Variants in CBX5 observed in about 807,000 individuals in gnomAD.
CBX5 encodes chromobox protein homolog 5.
CBX5 carries 7 observed loss-of-function variants against 20.7 expected under a neutral mutation model. The ratio of observed to expected loss-of-function variants is 0.34; its 90% CI spans 0.19 to 0.63. The LOEUF (loss-of-function observed/expected upper bound fraction) is 0.63. CBX5 is among the 30% of genes least tolerant of loss of function. The probability of loss-of-function intolerance (pLI) is 0.75; values close to 1 mark genes in which losing one functional copy is unlikely to be tolerated. For synonymous variants in CBX5, 78 were observed against 77.0 expected, an observed-to-expected ratio of 1.01 and a Z score of -0.07; for missense variants, 110 against 224.1, an observed-to-expected ratio of 0.49 and a Z score of 3.25.
chr12:54,268,795 A>C (rs914464723), intron 1 of CBX5, among the ~76,000 whole-genome samples: 2 of 152,224 alleles, frequency 1.3e-5, no homozygotes, highest in Non-Finnish European at 2.9e-5. Context: ...GAATAAGTAC[A>C]TGTGGGTCCT....
intron 1 of CBX5, among the ~76,000 whole-genome samples, chr12:54,269,839 C>T (rs1943993098): frequency 6.6e-6 from 1 of 152,084 alleles, no homozygotes; most frequent in Admixed American, 6.5e-5. Flanking sequence ...CTTGGCCTCC[C>T]AAAATGTTGA....
At chr12:54,268,512 T>C (rs1943978764) in intron 1 of CBX5, among the ~76,000 whole-genome samples, 1 of 152,224 alleles carries the variant, frequency 6.6e-6, no homozygotes, top group Non-Finnish European at 1.5e-5. Context: ...GACTCCCTTT[T>C]TGTCCAATTT....
chr12:54,254,135 G>A (rs1261410964), intron 2 of CBX5, among the ~76,000 whole-genome samples: 1 of 151,984 alleles, frequency 6.6e-6, no homozygotes, highest in African/African-American at 2.4e-5. Flanking sequence ...AATTCAGCCA[G>A]GCACGGTGGC....
At chr12:54,251,285 C>A (rs1943798856) in intron 3 of CBX5, among the ~76,000 whole-genome samples, 1 of 151,830 alleles carries the variant, frequency 6.6e-6, no homozygotes, top group Non-Finnish European at 1.5e-5. Context: ...ATGGCGAAAC[C>A]CCGTCTCTAT....
Position 54,252,047 on chromosome 12 carries a change from CTT to C in CBX5, c.316_317del (p.Lys106GlufsTer6). 6.4e-7 allele frequency: 1 copy of C among 1,570,188 alleles called. No homozygotes were observed. Among genetic ancestry groups the C allele is most frequent in the South Asian group, 1.2e-5 (1 of 80,808 alleles). On this transcript the variant is annotated frameshift_variant, in exon 3 of 5. Transcript: ENST00000209875. LOFTEE classifies it high-confidence loss of function. Reference sequence around the variant, plus strand: ...AAAGGGAAAGGAAGCTTACCTCTCTCTTTTTTTTAGATTTGATGTCATCGGCA... The same window carrying C: ...AAAGGGAAAGGAAGCTTACCTCTCTCTTTTTTAGATTTGATGTCATCGGCA... ...NSADDIKSKK[K>X]REQSNDIARG... is the part of the protein sequence containing the mutation.
chr12:54,252,147 ATCT>A lies in CBX5; in HGVS notation c.215_217del (p.Lys72del). 5 of 1,611,460 alleles carry A rather than the reference ATCT, an allele frequency of 3.1e-6. No individual in the cohort carries two copies. Among genetic ancestry groups the A allele is most frequent in the Non-Finnish European group, 4.2e-6 (5 of 1,179,098 alleles). ...GGGTTTATTATTTTCACCCTCCTTC[ATCT>A]TCTTATACTTTTTCATAAATTCAGA... On this transcript the variant is annotated inframe_deletion, in exon 3 of 5. Coordinates refer to ENST00000209875, the MANE Select transcript of CBX5 (RefSeq NM_012117.3).
intron 1 of CBX5, among the ~76,000 whole-genome samples, chr12:54,271,009 TTG>T (rs1944004159): frequency 6.6e-6 from 1 of 152,198 alleles, no homozygotes; most frequent in Non-Finnish European, 1.5e-5. Flanking sequence ...AGTGAGTTGA[TTG>T]TGTCACTGCA....
chr12:54,242,259 C>G (rs547208802), intron 4 of CBX5, among the ~76,000 whole-genome samples: 1 of 152,258 alleles, frequency 6.6e-6, no homozygotes, highest in African/African-American at 2.4e-5. Context: ...GGCACGGTGG[C>G]TCACACCTGT....
chr12:54,272,777 A>ATTT (rs1944022675), intron 1 of CBX5: 2 of 151,508 alleles, frequency 1.3e-5, no homozygotes, highest in Non-Finnish European at 2.9e-5. Flanking sequence ...TTGACTTAAA[A>ATTT]AACAAACTCC....
rs1271398642 is a variant in CBX5, at chr12:54,241,522, G to A, written c.*233C>T. ...TCAGGGCAAAGGAAAAAAAAATTGT[G>A]GGTATTACACTCAGTATGTAAATGC... On this transcript the variant is annotated 3_prime_UTR_variant, in exon 5 of 5. Coordinates refer to ENST00000209875, the MANE Select transcript of CBX5 (RefSeq NM_012117.3). The A allele has an allele frequency of 9.1e-6, 4 of 439,814 alleles. No individual in the cohort carries two copies. The highest frequency in any genetic ancestry group is 2.0e-5 in the African/African-American group (1 of 48,798). The allele number at this position is 439,814 out of a possible 1,614,324, so 27.2% of individuals were successfully genotyped here.
In CBX5 at chr12:54,235,829, G is replaced by C. The variant is rs1449987623; in HGVS notation, c.*5926C>G. On this transcript the variant is annotated 3_prime_UTR_variant, in exon 5 of 5. Coordinates refer to ENST00000209875, the MANE Select transcript of CBX5 (RefSeq NM_012117.3). ...AAAAGGTGTGAGCAACTCTGGTAAAGTGTCCATGAGGAATATGTTGTTATA... is the reference window on the plus strand; with the variant it reads ...AAAAGGTGTGAGCAACTCTGGTAAACTGTCCATGAGGAATATGTTGTTATA... 1 of 152,202 alleles carries C rather than the reference G, an allele frequency of 6.6e-6. No individual in the cohort carries two copies. The highest frequency in any genetic ancestry group is 6.5e-5 in the Admixed American group (1 of 15,280). The allele number at this position is 152,202 out of a possible 1,614,324, so 9.4% of individuals were successfully genotyped here.
At chr12:54,262,549 G>A (rs1339130090) in intron 1 of CBX5, 2 of 153,018 alleles carry the variant, frequency 1.3e-5, no homozygotes, top group East Asian at 1.9e-4. Flanking sequence ...TCAGAAGCTG[G>A]CAAGGATGAC....
intron 1 of CBX5, among the ~76,000 whole-genome samples, chr12:54,263,384 T>G (rs1943928834): frequency 6.7e-6 from 1 of 148,570 alleles, no homozygotes; most frequent in African/African-American, 2.5e-5. Context: ...AACAAAAAAC[T>G]TATCAGTCCT....
At chr12:54,244,407 T>G (rs1238900048) in intron 4 of CBX5, among the ~76,000 whole-genome samples, 1 of 151,440 alleles carries the variant, frequency 6.6e-6, no homozygotes, top group Non-Finnish European at 1.5e-5. Flanking sequence ...GAAACAGAGG[T>G]AGTGAGGACC....
intron 1 of CBX5, chr12:54,274,220 T>C (rs1318350088): frequency 1.3e-5 from 2 of 152,232 alleles, no homozygotes; most frequent in South Asian, 2.1e-4. Flanking sequence ...GAAATGAATA[T>C]GTGGCTTCGA....
In CBX5 at chr12:54,241,792, T is replaced by A. The variant is rs1263312975; in HGVS notation, c.539A>T (p.Asp180Val). Residue 180 changes from aspartate (D) to valine (V), a missense_variant, in exon 5 of 5, where the codon GAT (aspartate) becomes GTT (valine). Asp to Val is a radical substitution (Grantham distance 152, BLOSUM62 -3). Around this residue, in one of 3 missense-constraint regions of CBX5, gnomAD observed 31 missense variants for 84.9 expected, o/e 0.37. Transcript: ENST00000209875. ...ERLTWHAYPEDAENKEKETAK... is the reference protein window; with the variant it reads ...ERLTWHAYPEVAENKEKETAK... ...TGTTTCTTTCTCTTTGTTTTCCGCATCCTCAGGATATGCATGCCATGTCAG... is the reference window on the plus strand; with the variant it reads ...TGTTTCTTTCTCTTTGTTTTCCGCAACCTCAGGATATGCATGCCATGTCAG... The A allele has an allele frequency of 6.2e-7, 1 of 1,612,728 alleles. No individual in the cohort carries two copies. The highest frequency in any genetic ancestry group is 8.5e-7 in the Non-Finnish European group (1 of 1,179,822).
In CBX5 at chr12:54,233,941, G is replaced by C. The variant is rs1943593853; in HGVS notation, c.*7814C>G. On this transcript the variant is annotated 3_prime_UTR_variant, in exon 5 of 5. Transcript: ENST00000209875. ...CTCACGCCTGCAATCCCAGCACTTT[G>C]AGTGGCCGAGGCAGGCGGATCACAA... The C allele has an allele frequency of 6.6e-6, 1 of 152,114 alleles. No homozygotes were observed. Among genetic ancestry groups the C allele is most frequent in the Non-Finnish European group, 1.5e-5 (1 of 68,126 alleles). The allele number at this position is 152,114 out of a possible 1,614,324, so 9.4% of individuals were successfully genotyped here.
chr12:54,241,692 G>C lies in CBX5; in HGVS notation c.*63C>G. On this transcript the variant is annotated 3_prime_UTR_variant, in exon 5 of 5. Coordinates refer to ENST00000209875, the MANE Select transcript of CBX5 (RefSeq NM_012117.3). ...AGGATAGAAAGGGGTGGGTAGAAAG[G>C]AGAGGAGGCAGGGAGGTGAATGTAT... The C allele has an allele frequency of 1.3e-6, 2 of 1,489,542 alleles. No individual in the cohort carries two copies. Among genetic ancestry groups the C allele is most frequent in the African/African-American group, 2.8e-5 (2 of 71,320 alleles). 92.3% of individuals were successfully genotyped at this position (1,489,542 alleles called of 1,614,324 possible).
At chr12:54,277,096 C>G (rs4237798) in intron 1 of CBX5, 79,536 of 151,984 alleles carry the variant, frequency 0.52, 23,019 homozygotes, top group African/African-American at 0.77. Flanking sequence ...GCAGTGGCAT[C>G]ATCTCGGCTC....
Sources: gnomAD v4.1 joint callset for allele counts (sites outside exome capture counted in the v4.1 genomes callset) on GRCh38, gnomAD v4.1.1 for gene constraint, gnomAD v4.1.1 regional missense constraint, MANE v1.5 for transcripts, NCBI Gene and HGNC (gene_info 2026-07-23, HGNC 2026-07-21) for gene names.